CYP4F11: variants seen among roughly 807,000 people sequenced by gnomAD.
CYP4F11 encodes cytochrome P450 family 4 subfamily F member 11.
CYP4F11 carries 79 observed loss-of-function variants against 62.2 expected under a neutral mutation model. The observed-to-expected ratio is 1.27, with a 90% CI of 1.06 to 1.53. CYP4F11 has a LOEUF of 1.53. CYP4F11 is among the 40% of genes most tolerant of loss of function. CYP4F11 has a pLI of 0.00. For missense variants in CYP4F11, 777 were observed against 680.5 expected (o/e 1.14, Z -1.58); for synonymous variants, 290 against 263.7 (o/e 1.10, Z -0.97).
intron 8 of CYP4F11, among the ~76,000 whole-genome samples, chr19:15,921,256 G>C (rs1240206745): frequency 6.6e-6 from 1 of 152,124 alleles, no homozygotes; most frequent in African/African-American, 2.4e-5. Flanking sequence ...ATGTCTTTTA[G>C]AGAAAAATTC....
chr19:15,929,388 G>T (rs980608463), intron 2 of CYP4F11, 69 bp downstream of exon 2: 1 of 1,599,796 alleles, frequency 6.3e-7, no homozygotes, highest in Non-Finnish European at 8.6e-7. Flanking sequence ...ACAGAAGCTT[G>T]GGGAGGGGAG....
At chr19:15,913,948 C>T (rs1414331589) in intron 11 of CYP4F11, 39 bp from the exon 12 acceptor site, 29 of 1,582,894 alleles carry the variant, frequency 1.8e-5, no homozygotes, top group Non-Finnish European at 2.4e-5. Flanking sequence ...GTGCCCATGA[C>T]CCCCATCCCG....
Position 15,912,747 on chromosome 19 carries a change from G to GTATA in CYP4F11, c.*984_*985insTATA, listed in dbSNP as rs2089545137. 9.6e-5 allele frequency: 1 copy of GTATA among 10,436 alleles called. No homozygotes were observed. The highest frequency in any genetic ancestry group is 2.3e-4 in the African/African-American group (1 of 4,426). 0.6% of individuals were successfully genotyped at this position (10,436 alleles called of 1,614,324 possible). Reference sequence around the variant, plus strand: ...TGTGTGTGTGTGTATATGTATATATGTGTGTGTGTGTGTGTGTGTGTGTGT... The same window carrying GTATA: ...TGTGTGTGTGTGTATATGTATATATGTATATGTGTGTGTGTGTGTGTGTGTGTGT... On this transcript the variant is annotated 3_prime_UTR_variant, in exon 12 of 12. Transcript: ENST00000402119.
At chr19:15,924,461 A>G (rs1274727317) in intron 5 of CYP4F11, among the ~76,000 whole-genome samples, 1 of 152,206 alleles carries the variant, frequency 6.6e-6, no homozygotes, top group Non-Finnish European at 1.5e-5. Flanking sequence ...AGACCTCCAC[A>G]GAGCTCAGCT....
intron 6 of CYP4F11, 108 bp downstream of exon 6, chr19:15,923,704 C>T (rs1396040476): frequency 1.4e-6 from 2 of 1,442,564 alleles, no homozygotes; most frequent in Non-Finnish European, 1.9e-6. Flanking sequence ...CTTTTTCAAG[C>T]ATGTTCCATG....
At chr19:15,919,414 G>A (rs1417544052) in intron 8 of CYP4F11, among the ~76,000 whole-genome samples, 5 of 53,806 alleles carry the variant, frequency 9.3e-5, no homozygotes, top group Admixed American at 3.3e-4. Flanking sequence ...ATGGATGGAC[G>A]GATGGATGGA....
chr19:15,921,996 C>T (rs1377286271), intron 8 of CYP4F11, 41 bp downstream of exon 8: 2 of 1,531,802 alleles, frequency 1.3e-6, no homozygotes, highest in African/African-American at 1.4e-5. Flanking sequence ...GGAGCAGAAC[C>T]AATGACAAAA....
In CYP4F11 at chr19:15,924,021, G is replaced by T. The variant is rs746758825; in HGVS notation, c.709C>A (p.Gln237Lys). ...AAGTCCGTGTGCAAGAGAATCTGCT[G>T]GTTTCTCTTTTCTACAAAGGCACTG... Reference protein sequence around the residue: ...ELSAFVEKRNQQILLHTDFLY... With the variant: ...ELSAFVEKRNKQILLHTDFLY... The change falls in exon 6 of 12, where the codon CAG (glutamine) becomes AAG (lysine). Residue 237 changes from glutamine (Q) to lysine (K), a missense_variant. Gln to Lys is a moderately conservative substitution (Grantham distance 53). Coordinates refer to ENST00000402119, the MANE Select transcript of CYP4F11 (RefSeq NM_021187.4). 60 of 1,614,020 alleles carry T rather than the reference G, an allele frequency of 3.7e-5. No homozygotes were observed. Among genetic ancestry groups the T allele is most frequent in the Non-Finnish European group, 4.8e-5 (57 of 1,180,024 alleles).
In CYP4F11 at chr19:15,929,476, C is replaced by G; in HGVS notation, c.324G>C (p.Arg108=). The change falls in exon 2 of 12, where the codon CGG becomes CGC. Residue 108 remains arginine (R), a synonymous_variant. Coordinates refer to ENST00000402119, the MANE Select transcript of CYP4F11 (RefSeq NM_021187.4). ...LLILCHPDII[R]PITSASAAVA... is the part of the protein sequence containing the mutation. ...GGGTACCTGAGGCACTGGTGATAGGCCGGATAATGTCAGGGTGGCATAAAA... is the reference window on the plus strand; with the variant it reads ...GGGTACCTGAGGCACTGGTGATAGGGCGGATAATGTCAGGGTGGCATAAAA... 1.2e-6 allele frequency: 2 copies of G among 1,614,048 alleles called. No individual in the cohort carries two copies. Among genetic ancestry groups the G allele is most frequent in the Non-Finnish European group, 1.7e-6 (2 of 1,180,012 alleles).
At chr19:15,917,473 C>A (rs1017675839) in intron 8 of CYP4F11, among the ~76,000 whole-genome samples, 4 of 151,944 alleles carry the variant, frequency 2.6e-5, no homozygotes, top group Admixed American at 6.6e-5. Flanking sequence ...TGTAGCATGG[C>A]AAAGCTGCAA....
At chr19:15,930,762 C>G (rs761360070) in intron 1 of CYP4F11, among the ~76,000 whole-genome samples, 3 of 151,982 alleles carry the variant, frequency 2.0e-5, no homozygotes, top group Non-Finnish European at 2.9e-5. Flanking sequence ...AGTGTGGCCT[C>G]AGGACATGTC....
At chr19:15,928,740 G>A (rs932043155) in intron 2 of CYP4F11, among the ~76,000 whole-genome samples, 1 of 152,174 alleles carries the variant, frequency 6.6e-6, no homozygotes, top group Admixed American at 6.5e-5. Flanking sequence ...AGCACAGGAT[G>A]AGCAGAGGTA....
At chr19:15,931,653 TGAGTGAGCGAGGAGAGGAATGAGTGAGC>T (rs1568257618) in intron 1 of CYP4F11, among the ~76,000 whole-genome samples, 1 of 53,438 alleles carries the variant, frequency 1.9e-5, no homozygotes, top group Non-Finnish European at 3.3e-5. Context: ...AGGAGAGGAA[TGAGTGAGCGAGGAGAGGAATGAGTGAGC>T]GAGGAGAGGA....
At chr19:15,914,450 T>A in intron 10 of CYP4F11, 63 bp from the exon 11 acceptor site, 1 of 1,571,732 alleles carries the variant, frequency 6.4e-7, no homozygotes, top group South Asian at 1.1e-5. Context: ...GTCTCCCAGT[T>A]GTCTCCAAGA....
intron 8 of CYP4F11, 35 bp downstream of exon 8, chr19:15,922,002 C>T: frequency 6.5e-7 from 1 of 1,535,404 alleles, no homozygotes; most frequent in Non-Finnish European, 8.7e-7. Flanking sequence ...GAACCAATGA[C>T]AAAAGATCAG....
In CYP4F11 at chr19:15,929,462, G is replaced by T; in HGVS notation, c.338C>A (p.Ala113Asp). 4 of 1,614,114 alleles carry T rather than the reference G, an allele frequency of 2.5e-6. No homozygotes were observed. Among genetic ancestry groups the T allele is most frequent in the Non-Finnish European group, 3.4e-6 (4 of 1,180,022 alleles). Residue 113 changes from alanine (A) to aspartate (D), a missense_variant, in exon 2 of 12, where the codon GCC becomes GAC. Ala to Asp is a moderately radical substitution (Grantham distance 126, BLOSUM62 -2). Coordinates refer to ENST00000402119, the MANE Select transcript of CYP4F11 (RefSeq NM_021187.4). The part of the protein sequence containing the change: ...HPDIIRPITS[A>D]SAAVAPKDMI... Reference sequence around the variant, plus strand: ...CACAAGCTCTGCACGGGTACCTGAGGCACTGGTGATAGGCCGGATAATGTC... The same window carrying T: ...CACAAGCTCTGCACGGGTACCTGAGTCACTGGTGATAGGCCGGATAATGTC...
chr19:15,917,939 T>C (rs1310197271), intron 8 of CYP4F11, among the ~76,000 whole-genome samples: 1 of 152,208 alleles, frequency 6.6e-6, no homozygotes, highest in Non-Finnish European at 1.5e-5. Context: ...TTACTGGGTA[T>C]AGATCCAAAT....
intron 6 of CYP4F11, 94 bp from the exon 7 acceptor site, chr19:15,922,524 T>C: frequency 7.3e-7 from 1 of 1,372,792 alleles, no homozygotes; most frequent in Non-Finnish European, 1.0e-6. Flanking sequence ...AGATCCATCC[T>C]CCTTCCAGAA....
chr19:15,913,754 G>A lies in CYP4F11; in HGVS notation c.1553C>T (p.Pro518Leu), dbSNP rs753714461. 2 of 1,614,148 alleles carry A rather than the reference G, an allele frequency of 1.2e-6. No individual in the cohort carries two copies. Among genetic ancestry groups the A allele is most frequent in the Non-Finnish European group, 1.7e-6 (2 of 1,180,020 alleles). Reference protein sequence around the residue: ...AEGGLWLRVEPLGANSQ With the variant: ...AEGGLWLRVELLGANSQ ...CAGTCACTGTGAGTTCGCACCCAGG[G>A]GCTCCACCCGCAGCCAAAGTCCACC... The change falls in exon 12 of 12, where the codon CCC (proline) becomes CTC (leucine). Residue 518 changes from proline to leucine, a missense_variant. Transcript: ENST00000402119.
Sources: allele counts gnomAD v4.1 joint callset (sites outside exome capture counted in the v4.1 genomes callset), GRCh38; gene constraint gnomAD v4.1.1; transcripts MANE v1.5; gene names NCBI Gene and HGNC (gene_info 2026-07-23, HGNC 2026-07-21).